The following PLEKHG1 variants were observed in gnomAD, a reference collection of about 807,000 sequenced individuals.
PLEKHG1 encodes the protein pleckstrin homology and RhoGEF domain containing G1, also known as pleckstrin homology domain-containing family G member 1.
A neutral mutation model predicts 100.8 loss-of-function variants in PLEKHG1; 44 were observed. The observed-to-expected ratio is 0.44, with a 90% CI of 0.34 to 0.56. The LOEUF is 0.56. PLEKHG1 is among the 20% of genes least tolerant of loss of function. The pLI, the probability that PLEKHG1 is intolerant of heterozygous loss-of-function variation, is 0.01. For synonymous variants in PLEKHG1, 640 were observed against 662.5 expected, an observed-to-expected ratio of 0.97 and a Z score of 0.52; for missense variants, 1,545 against 1,720.9, an observed-to-expected ratio of 0.90 and a Z score of 1.81.
chr6:150,668,585 C>T (rs1404526167), intron 3 of PLEKHG1, among the ~76,000 whole-genome samples: 1 of 152,192 alleles, frequency 6.6e-6, no homozygotes, highest in Non-Finnish European at 1.5e-5. Flanking sequence ...TGGAGTCTTG[C>T]TGGCCGATGA....
chr6:150,758,336 CTTTTT>C (rs58766862), intron 2 of PLEKHG1, among the ~76,000 whole-genome samples: 51,809 of 141,976 alleles, frequency 0.36, 10,755 homozygotes, highest in African/African-American at 0.57. Flanking sequence ...TGTTTCTTGA[CTTTTT>C]TTTTTTTTTT....
At chr6:150,710,696 A>C (rs1350844768) in intron 3 of PLEKHG1, among the ~76,000 whole-genome samples, 2 of 152,174 alleles carry the variant, frequency 1.3e-5, no homozygotes, top group Non-Finnish European at 2.9e-5. Flanking sequence ...CCAGAAAAAA[A>C]AAATCTAGGT....
chr6:150,747,365 C>T (rs1272481402), intron 2 of PLEKHG1, among the ~76,000 whole-genome samples: 2 of 152,310 alleles, frequency 1.3e-5, no homozygotes, highest in African/African-American at 4.8e-5. Flanking sequence ...ACAGTCCAGG[C>T]AGCCCTGTTC....
chr6:150,833,489 A>T (rs1253697034), intron 15 of PLEKHG1, among the ~76,000 whole-genome samples: 1 of 152,212 alleles, frequency 6.6e-6, no homozygotes, highest in Non-Finnish European at 1.5e-5. Context: ...CTTAGGTGTG[A>T]TATTGTAGGA....
intron 7 of PLEKHG1, among the ~76,000 whole-genome samples, chr6:150,805,038 C>T (rs900408284): frequency 1.3e-5 from 2 of 151,880 alleles, no homozygotes; most frequent in Non-Finnish European, 2.9e-5. Context: ...GGGGTTCAAG[C>T]AGTTATTCCC....
chr6:150,798,360 C>T (rs929624903), intron 5 of PLEKHG1, among the ~76,000 whole-genome samples: 1 of 152,158 alleles, frequency 6.6e-6, no homozygotes, highest in African/African-American at 2.4e-5. Flanking sequence ...TCATTATAAA[C>T]ATATCATTTA....
intron 1 of PLEKHG1, among the ~76,000 whole-genome samples, chr6:150,615,071 A>G (rs1291945455): frequency 6.6e-6 from 1 of 152,204 alleles, no homozygotes; most frequent in Admixed American, 6.5e-5. Context: ...CCTTAATAAA[A>G]TTTCAAGGTC....
intron 13 of PLEKHG1, among the ~76,000 whole-genome samples, chr6:150,822,501 T>C (rs1776363263): frequency 6.6e-6 from 1 of 152,222 alleles, no homozygotes; most frequent in East Asian, 1.9e-4. Context: ...TTGCAGTATT[T>C]GTAGCAGGAC....
intron 1 of PLEKHG1, among the ~76,000 whole-genome samples, chr6:150,729,271 A>G (rs1782118965): frequency 6.6e-6 from 1 of 152,176 alleles, no homozygotes. Flanking sequence ...TAGGTTGCCC[A>G]GGCTAGTCTC....
At chr6:150,738,505 G>A (rs1310344789) in intron 2 of PLEKHG1, among the ~76,000 whole-genome samples, 1 of 152,158 alleles carries the variant, frequency 6.6e-6, no homozygotes, top group Non-Finnish European at 1.5e-5. Flanking sequence ...CATGTAAAGA[G>A]TGTGTTATGC....
chr6:150,810,852 C>T (rs1284200398), intron 10 of PLEKHG1, among the ~76,000 whole-genome samples: 1 of 151,268 alleles, frequency 6.6e-6, no homozygotes, highest in Non-Finnish European at 1.5e-5. Context: ...ACCCAGGAGG[C>T]GGAGGTTGCA....
chr6:150,732,196 T>A (rs2128616929), intron 1 of PLEKHG1, among the ~76,000 whole-genome samples: 1 of 145,212 alleles, frequency 6.9e-6, no homozygotes, highest in South Asian at 2.1e-4. Context: ...TTGCAGATAG[T>A]TTTTATTTTT....
rs114530717 is a variant in PLEKHG1, at chr6:150,655,957, G to A, written c.-99+5171G>A. Among the ~76,000 whole-genome samples, 1,057 of 152,114 alleles carry A rather than the reference G, an allele frequency of 6.9e-3. 14 individuals are homozygous for A. The highest frequency in any genetic ancestry group is 0.024 in the African/African-American group (1,000 of 41,474). On this transcript the variant is annotated intron_variant, in intron 3 of 3. Coordinates refer to the PLEKHG1 transcript ENST00000367326. ...CACCAGGGCCTGTGGGGGGTTGGGG[G>A]GCCAGGAGAGGTATAGCATTAGGAG...
intron 5 of PLEKHG1, among the ~76,000 whole-genome samples, chr6:150,798,337 G>A (rs1786481434): frequency 1.3e-5 from 2 of 152,132 alleles, no homozygotes; most frequent in Non-Finnish European, 2.9e-5. Context: ...GGGGAATTAT[G>A]TTTCTATAAA....
At chr6:150,753,812 G>A (rs1783668156) in intron 2 of PLEKHG1, among the ~76,000 whole-genome samples, 1 of 152,206 alleles carries the variant, frequency 6.6e-6, no homozygotes, top group South Asian at 2.1e-4. Context: ...TGCGACAAAG[G>A]CTGGGAGCAA....
chr6:150,701,710 G>T (rs1360677597), intron 3 of PLEKHG1, among the ~76,000 whole-genome samples: 1 of 149,874 alleles, frequency 6.7e-6, no homozygotes, highest in Non-Finnish European at 1.5e-5. Flanking sequence ...TAGTGATGGG[G>T]ATGTATGTGA....
chr6:150,838,900 G>A (rs759388705), intron 15 of PLEKHG1, among the ~76,000 whole-genome samples: 1 of 152,230 alleles, frequency 6.6e-6, no homozygotes, highest in Non-Finnish European at 1.5e-5. Flanking sequence ...ATGTGAGTTA[G>A]TCAATACATG....
chr6:150,812,438 A>G (rs539556146), intron 10 of PLEKHG1, among the ~76,000 whole-genome samples: 8 of 152,244 alleles, frequency 5.3e-5, no homozygotes, highest in African/African-American at 1.9e-4. Context: ...CTGCGCTAAC[A>G]AGGAAAAAGC....
Position 150,644,388 on chromosome 6 carries a change from G to A in PLEKHG1, c.-158+6263G>A, listed in dbSNP as rs1344330921. Among the ~76,000 whole-genome samples the A allele has an allele frequency of 4.4e-5, 6 of 135,910 alleles. No individual in the cohort carries two copies. In the Admixed American group the frequency reaches 4.7e-4, roughly 11 times the overall value. 89.2% of individuals were successfully genotyped at this position (135,910 alleles called of 152,430 possible). A position where few individuals can be genotyped will look rare whatever the true frequency, so the allele number is the denominator to read the frequency against. On this transcript the variant is annotated intron_variant, in intron 2 of 3. Transcript: ENST00000367326. ...CTCACTCTGTCACCCAGGCTGGAGT[G>A]CAGTGGCGCAATCTTGGCTCACTGC...
Sources: allele counts gnomAD v4.1 joint callset (sites outside exome capture counted in the v4.1 genomes callset), GRCh38; gene constraint gnomAD v4.1.1; transcripts MANE v1.5; gene names NCBI Gene and HGNC (gene_info 2026-07-23, HGNC 2026-07-21).